The following JADE3 variants were observed in gnomAD, a reference collection of about 807,000 sequenced individuals.
JADE3 encodes jade family PHD finger 3.
A neutral mutation model predicts 50.1 loss-of-function variants in JADE3; 2 were observed. The ratio of observed to expected loss-of-function variants is 0.04; its 90% confidence interval spans 0.02 to 0.13. The LOEUF is 0.13. JADE3 is among the 10% of genes least tolerant of loss of function. JADE3 has a pLI of 1.00. For synonymous variants in JADE3, 218 were observed against 232.9 expected (o/e 0.94, Z 0.58); for missense variants, 475 against 634.4 (o/e 0.75, Z 2.70).
At chrX:47,026,049 C>T (rs1436606695) in intron 5 of JADE3, among the ~76,000 whole-genome samples, 5 of 110,917 alleles carry the variant, frequency 4.5e-5, no homozygotes, top group African/African-American at 1.6e-4. Flanking sequence ...TGCTCTGCCC[C>T]CTAAGAGGAG....
intron 8 of JADE3, 118 bp downstream of exon 8, chrX:47,039,183 G>C (rs782431792): frequency 2.3e-6 from 1 of 439,862 alleles, no homozygotes; most frequent in Non-Finnish European, 4.0e-6. Context: ...CCCACTCTTA[G>C]GGCTCTGCCA....
chrX:47,031,077 C>T (rs1246589088), intron 6 of JADE3, among the ~76,000 whole-genome samples: 1 of 110,430 alleles, frequency 9.1e-6, no homozygotes, highest in Non-Finnish European at 1.9e-5. Flanking sequence ...AAAGTTAGGG[C>T]CATTCTAAAT....
rs1927437619 is a variant in JADE3 at position 46,969,406 on chromosome X, ACT to A, written c.-11-15475_-11-15474del. ...ACTCCAGCCTGGGCAACAGAGTGAGACTCTGTCTCAAAAAAGGAAAAAAACAA... is the reference window on the plus strand; with the variant it reads ...ACTCCAGCCTGGGCAACAGAGTGAGACTGTCTCAAAAAAGGAAAAAAACAA... On this transcript the variant is annotated intron_variant, in intron 1 of 10. Transcript: ENST00000614628. Among the ~76,000 whole-genome samples the A allele has an allele frequency of 6.3e-5, 7 of 111,600 alleles. No individual in the cohort carries two copies. The Admixed American group carries it at 6.6e-4, about 11-fold the overall frequency.
chrX:47,052,608 T>C (rs1308744296), intron 8 of JADE3, among the ~76,000 whole-genome samples: 1 of 71,149 alleles, frequency 1.4e-5, no homozygotes. Flanking sequence ...CCCTCCAGCC[T>C]CAGCAACAGA....
intron 1 of JADE3, among the ~76,000 whole-genome samples, chrX:46,939,331 C>A (rs782752123): frequency 9.1e-6 from 1 of 109,884 alleles, no homozygotes; most frequent in African/African-American, 3.3e-5. Flanking sequence ...TAAGTCAGCT[C>A]TAGATTTTAT....
intron 7 of JADE3, among the ~76,000 whole-genome samples, chrX:47,035,326 G>C (rs1929110985): frequency 9.0e-6 from 1 of 111,615 alleles, no homozygotes; most frequent in Admixed American, 9.5e-5. Context: ...TAATAAAGAA[G>C]CTCAGAGTTA....
chrX:46,921,705 A>G (rs1281064600), intron 1 of JADE3, among the ~76,000 whole-genome samples: 2 of 111,342 alleles, frequency 1.8e-5, no homozygotes, highest in African/African-American at 6.5e-5. Context: ...TACCTTGATC[A>G]CAGTCTTTCT....
chrX:46,946,864 T>C (rs782265949), intron 1 of JADE3, among the ~76,000 whole-genome samples: 1 of 111,969 alleles, frequency 8.9e-6, no homozygotes, highest in Non-Finnish European at 1.9e-5. Flanking sequence ...ACTGATACTA[T>C]CTCTCTGTCT....
At chrX:46,962,562 G>A (rs1927284280) in intron 1 of JADE3, among the ~76,000 whole-genome samples, 1 of 110,874 alleles carries the variant, frequency 9.0e-6, no homozygotes. Context: ...AGGAAACTAG[G>A]TGTTTTGAAT....
intron 2 of JADE3, among the ~76,000 whole-genome samples, chrX:46,985,239 G>A (rs965294860): frequency 1.8e-5 from 2 of 111,758 alleles, no homozygotes; most frequent in Admixed American, 1.9e-4. Context: ...AGCATAAATT[G>A]TAGGCCCTGA....
intron 3 of JADE3, among the ~76,000 whole-genome samples, chrX:46,991,434 C>T (rs1928004607): frequency 9.1e-6 from 1 of 110,388 alleles, no homozygotes; most frequent in Non-Finnish European, 1.9e-5. Flanking sequence ...CAGTACACCA[C>T]ATTTTGTTTA....
intron 4 of JADE3, among the ~76,000 whole-genome samples, chrX:47,016,864 G>T (rs918397801): frequency 5.4e-5 from 6 of 110,791 alleles, no homozygotes; most frequent in African/African-American, 1.3e-4. Context: ...GTCAGCTAGA[G>T]AAACTTTACT....
At chrX:46,916,982 C>T (rs1926099716) in intron 1 of JADE3, among the ~76,000 whole-genome samples, 1 of 111,465 alleles carries the variant, frequency 9.0e-6, no homozygotes, top group Non-Finnish European at 1.9e-5. Flanking sequence ...TTAGAGAAGC[C>T]TTTGGTGTCA....
chrX:46,975,793 C>T lies in JADE3; in HGVS notation c.-11-9091C>T, dbSNP rs1384558499. 8.0e-5 allele frequency among the ~76,000 whole-genome samples: 7 copies of T among 87,113 alleles called. No homozygotes were observed. In the Admixed American group the frequency reaches 1.1e-3, roughly 13 times the overall value. The allele number at this position is 87,113 out of a possible 115,157, so 75.6% of individuals were successfully genotyped here. On this transcript the variant is annotated intron_variant, in intron 1 of 10. Transcript: ENST00000614628. ...GGTGTGCAGTGGCATGATCTCAGCT[C>T]ACTGCAACCTCCGCCTCCCAGGTTC...
intron 3 of JADE3, among the ~76,000 whole-genome samples, chrX:46,988,764 TCAGATGGAAC>T (rs1556355219): frequency 8.9e-6 from 1 of 112,809 alleles, no homozygotes; most frequent in African/African-American, 3.2e-5. Context: ...CTTTGAGGAA[TCAGATGGAAC>T]CACTGTGAAT....
intron 3 of JADE3, among the ~76,000 whole-genome samples, chrX:46,992,667 G>A (rs938827627): frequency 9.0e-6 from 1 of 111,727 alleles, no homozygotes; most frequent in African/African-American, 3.3e-5. Context: ...TCTGACTACA[G>A]GTCTGAGACA....
At chrX:46,966,616 G>C (rs1927374452) in intron 1 of JADE3, among the ~76,000 whole-genome samples, 1 of 111,993 alleles carries the variant, frequency 8.9e-6, no homozygotes, top group Admixed American at 9.5e-5. Context: ...TTAAAGATGA[G>C]GGTTGGGAAG....
At chrX:46,919,208 G>T (rs1556337174) in intron 1 of JADE3, among the ~76,000 whole-genome samples, 1 of 111,868 alleles carries the variant, frequency 8.9e-6, no homozygotes, top group Non-Finnish European at 1.9e-5. Flanking sequence ...TGGCTTAACT[G>T]CTTTCTGATC....
chrX:47,028,174 G>A (rs1415656394), intron 6 of JADE3, 71 bp downstream of exon 6: 13 of 710,323 alleles, frequency 1.8e-5, no homozygotes, highest in African/African-American at 1.1e-4. Context: ...TCTCCAGCAC[G>A]CATATCTGGG....
Sources: allele counts gnomAD v4.1 joint callset (sites outside exome capture counted in the v4.1 genomes callset), GRCh38; gene constraint gnomAD v4.1.1; transcripts MANE v1.5; gene names NCBI Gene and HGNC (gene_info 2026-07-23, HGNC 2026-07-21).